RALYL: variants seen among roughly 807,000 people sequenced by gnomAD.
RALYL encodes the protein RNA-binding Raly-like protein.
A neutral mutation model predicts 35.1 loss-of-function variants in RALYL; 29 were observed. That is an observed-to-expected ratio of 0.83 (90% CI 0.61 to 1.13). RALYL has a LOEUF of 1.13. RALYL is among the 50% of genes most tolerant of loss of function. The pLI, the probability that RALYL is intolerant of heterozygous loss-of-function variation, is 0.00. For synonymous variants in RALYL, 120 were observed against 127.6 expected (o/e 0.94, Z 0.40); for missense variants, 359 against 360.4 (o/e 1.00, Z 0.03).
At chr8:84,886,982 A>G (rs144631091) in intron 7 of RALYL, among the ~76,000 whole-genome samples, 2 of 152,312 alleles carry the variant, frequency 1.3e-5, no homozygotes, top group African/African-American at 4.8e-5. Context: ...CTCAACTTTG[A>G]ACCCAGGTTG....
intron 1 of RALYL, among the ~76,000 whole-genome samples, chr8:84,510,219 C>T (rs531547485): frequency 6.6e-6 from 1 of 152,050 alleles, no homozygotes; most frequent in African/African-American, 2.4e-5. Context: ...ATATTTTGTT[C>T]GATTTATACC....
At chr8:84,878,378 G>T (rs1385135301) in intron 7 of RALYL, among the ~76,000 whole-genome samples, 7 of 152,098 alleles carry the variant, frequency 4.6e-5, no homozygotes, top group Admixed American at 1.3e-4. Context: ...CAAGAGGAAA[G>T]ACTTAAAGAT....
chr8:84,622,532 A>G (rs1312943631), intron 2 of RALYL, among the ~76,000 whole-genome samples: 2 of 152,188 alleles, frequency 1.3e-5, no homozygotes, highest in Admixed American at 1.3e-4. Flanking sequence ...AAATGTGGGG[A>G]AAAGAGGGAT....
intron 1 of RALYL, among the ~76,000 whole-genome samples, chr8:84,273,785 A>C (rs1029830979): frequency 2.6e-5 from 4 of 152,206 alleles, no homozygotes; most frequent in Non-Finnish European, 5.9e-5. Flanking sequence ...CAGGCAATAT[A>C]ATGATAAAGG....
At chr8:84,686,042 C>T (rs1836704904) in intron 2 of RALYL, among the ~76,000 whole-genome samples, 1 of 152,168 alleles carries the variant, frequency 6.6e-6, no homozygotes, top group South Asian at 2.1e-4. Context: ...CTCCACTTAG[C>T]TTGGACACAG....
chr8:84,349,667 A>T (rs920536344), intron 1 of RALYL, among the ~76,000 whole-genome samples: 1 of 150,586 alleles, frequency 6.6e-6, no homozygotes, highest in Non-Finnish European at 1.5e-5. Flanking sequence ...ACACTTAAGT[A>T]TCAAATGTGT....
chr8:84,524,406 A>G lies in RALYL; in HGVS notation c.-23-4893A>G, dbSNP rs527329364. ...CAAATCAAAACCACAAAGAGATACC[A>G]TCTCACACCAGTTAGAATGGCAATC... is the stretch of plus-strand genomic sequence containing the variant. On this transcript the variant is annotated intron_variant, in intron 1 of 8. Coordinates refer to ENST00000521268, the MANE Select transcript of RALYL (RefSeq NM_173848.7). Among the ~76,000 whole-genome samples the G allele has an allele frequency of 5.3e-5, 8 of 152,338 alleles. No individual in the cohort carries two copies. In the South Asian group the frequency reaches 8.3e-4, roughly 16 times the overall value.
intron 2 of RALYL, among the ~76,000 whole-genome samples, chr8:84,597,062 C>A (rs887420279): frequency 6.6e-6 from 1 of 152,054 alleles, no homozygotes; most frequent in Non-Finnish European, 1.5e-5. Flanking sequence ...TAAAAGCTAG[C>A]TTTTCTGAGG....
intron 1 of RALYL, among the ~76,000 whole-genome samples, chr8:84,279,475 A>G (rs1836113680): frequency 6.6e-6 from 1 of 152,244 alleles, no homozygotes; most frequent in African/African-American, 2.4e-5. Context: ...GTTATGAAAG[A>G]AAATAAAAAT....
intron 1 of RALYL, among the ~76,000 whole-genome samples, chr8:84,216,248 A>G (rs1283117327): frequency 1.3e-5 from 2 of 151,936 alleles, no homozygotes; most frequent in South Asian, 4.1e-4. Flanking sequence ...GCAAAATTAT[A>G]CACTAAAATT....
rs1178978986 is a variant in RALYL at position 84,774,723 on chromosome 8, A to G, written c.332+69A>G. 3.2e-6 allele frequency: 3 copies of G among 947,176 alleles called. No homozygotes were observed. The African/African-American group carries it at 5.0e-5, about 16-fold the overall frequency. The allele number at this position is 947,176 out of a possible 1,614,324, so 58.7% of individuals were successfully genotyped here. ...TTCTTGCAGCTTTATAAGGCAATAT[A>G]ACTTGTAAGGCATCCACTATTTAAA... On this transcript the variant is annotated intron_variant, in intron 3 of 8. Coordinates refer to ENST00000521268, the MANE Select transcript of RALYL (RefSeq NM_173848.7).
At chr8:84,419,441 C>T (rs2045183637) in intron 1 of RALYL, among the ~76,000 whole-genome samples, 1 of 152,110 alleles carries the variant, frequency 6.6e-6, no homozygotes, top group African/African-American at 2.4e-5. Context: ...CATTCTGCAT[C>T]TGTACCATTA....
chr8:84,827,321 A>G (rs1829930408), intron 4 of RALYL, among the ~76,000 whole-genome samples: 1 of 152,142 alleles, frequency 6.6e-6, no homozygotes, highest in Non-Finnish European at 1.5e-5. Flanking sequence ...AAATATGCTC[A>G]CCACAATAAA....
At chr8:84,902,467 G>A (rs1242794605) in intron 8 of RALYL, among the ~76,000 whole-genome samples, 1 of 152,120 alleles carries the variant, frequency 6.6e-6, no homozygotes, top group Non-Finnish European at 1.5e-5. Flanking sequence ...AGATTTGGAC[G>A]GGGAACACAT....
chr8:84,711,902 A>G (rs562883111), intron 2 of RALYL, among the ~76,000 whole-genome samples: 4 of 152,316 alleles, frequency 2.6e-5, no homozygotes, highest in African/African-American at 9.6e-5. Flanking sequence ...GACAGAAGAA[A>G]TAATTTGTTA....
At chr8:84,482,250 A>G (rs1369208944) in intron 1 of RALYL, among the ~76,000 whole-genome samples, 1 of 152,094 alleles carries the variant, frequency 6.6e-6, no homozygotes, top group Non-Finnish European at 1.5e-5. Flanking sequence ...GATAAAGACA[A>G]TATCCCATAA....
rs141554538 is a variant in RALYL at position 84,915,435 on chromosome 8, A to G, written c.859-5459A>G. Among the ~76,000 whole-genome samples the G allele has an allele frequency of 6.1e-3, 932 of 152,168 alleles. 9 individuals are homozygous for G. The highest frequency in any genetic ancestry group is 8.6e-3 in the Non-Finnish European group (583 of 67,976). On this transcript the variant is annotated intron_variant, in intron 8 of 8. Coordinates refer to ENST00000521268, the MANE Select transcript of RALYL (RefSeq NM_173848.7). Reference sequence around the variant, plus strand: ...AATACCTCTCACATTCTGCCTGGCTATCTTACTGATCGTCATACTCTCTAG... The same window carrying G: ...AATACCTCTCACATTCTGCCTGGCTGTCTTACTGATCGTCATACTCTCTAG...
At chr8:84,774,260 C>T (rs1280240641) in intron 2 of RALYL, among the ~76,000 whole-genome samples, 1 of 152,098 alleles carries the variant, frequency 6.6e-6, no homozygotes, top group Non-Finnish European at 1.5e-5. Flanking sequence ...CCTCACTTTG[C>T]TCAACATTTT....
intron 2 of RALYL, among the ~76,000 whole-genome samples, chr8:84,591,404 T>G (rs1813235843): frequency 6.6e-6 from 1 of 152,174 alleles, no homozygotes; most frequent in African/African-American, 2.4e-5. Context: ...TCGCTTCGCC[T>G]TGCCACCAGA....
Sources: gnomAD v4.1 joint callset for allele counts (sites outside exome capture counted in the v4.1 genomes callset) on GRCh38, gnomAD v4.1.1 for gene constraint, MANE v1.5 for transcripts, NCBI Gene and HGNC (gene_info 2026-07-23, HGNC 2026-07-21) for gene names.